The following MYO5B variants were observed in gnomAD, a reference collection of about 807,000 sequenced individuals.
MYO5B encodes the protein unconventional myosin-Vb.
A neutral mutation model predicts 229.3 loss-of-function variants in MYO5B; 143 were observed. The ratio of observed to expected loss-of-function variants is 0.62; its 90% CI spans 0.54 to 0.72. The LOEUF (loss-of-function observed/expected upper bound fraction) is 0.72. Ranked by LOEUF, MYO5B falls within the 30% of genes least tolerant of loss-of-function variation. The pLI, the probability that MYO5B is intolerant of heterozygous loss-of-function variation, is 0.00. For missense variants in MYO5B, 2,321 were observed against 2,331.0 expected (o/e 1.00, Z 0.09); for synonymous variants, 918 against 885.2 (o/e 1.04, Z -0.66).
chr18:49,945,903 G>C (rs1185118614), intron 14 of MYO5B, among the ~76,000 whole-genome samples: 1 of 152,158 alleles, frequency 6.6e-6, no homozygotes, highest in Non-Finnish European at 1.5e-5. Flanking sequence ...GCTGGAGGCA[G>C]GTTCACATTT....
intron 6 of MYO5B, among the ~76,000 whole-genome samples, chr18:49,991,336 G>A (rs58782791): frequency 0.012 from 1,892 of 152,170 alleles, 39 homozygotes; most frequent in African/African-American, 0.043. Context: ...CTCCTTAAAG[G>A]CAGCTAAAGC....
At position 49,826,017 on chromosome 18, in the gene MYO5B, G is replaced by A. The variant is rs2023839483; in HGVS notation, c.*454C>T. Reference sequence around the variant, plus strand: ...CACACCTATGGTTTGCAAACTTTGGGAAATGTCAGTATATGCCATTATCAT... The same window carrying A: ...CACACCTATGGTTTGCAAACTTTGGAAAATGTCAGTATATGCCATTATCAT... On this transcript the variant is annotated 3_prime_UTR_variant, in exon 40 of 40. Coordinates refer to ENST00000285039, the MANE Select transcript of MYO5B (RefSeq NM_001080467.3). 2 of 181,392 alleles carry A rather than the reference G, an allele frequency of 1.1e-5. No individual in the cohort carries two copies. The highest frequency in any genetic ancestry group is 2.4e-5 in the African/African-American group (1 of 41,790). 11.2% of individuals were successfully genotyped at this position (181,392 alleles called of 1,614,324 possible).
chr18:50,071,118 C>A (rs2030948915), intron 1 of MYO5B, among the ~76,000 whole-genome samples: 1 of 152,190 alleles, frequency 6.6e-6, no homozygotes, highest in Non-Finnish European at 1.5e-5. Context: ...GCCACCATGC[C>A]CAGCACTAAC....
chr18:49,998,889 T>C (rs1057374255), intron 5 of MYO5B, among the ~76,000 whole-genome samples: 3 of 152,090 alleles, frequency 2.0e-5, no homozygotes, highest in Non-Finnish European at 4.4e-5. Flanking sequence ...AATTTCTGTT[T>C]GGGATGATGA....
intron 1 of MYO5B, among the ~76,000 whole-genome samples, chr18:50,110,979 A>C (rs1198559369): frequency 6.6e-6 from 1 of 152,204 alleles, no homozygotes; most frequent in Non-Finnish European, 1.5e-5. Flanking sequence ...CTACTTTAAA[A>C]TGTTCACAAT....
chr18:49,831,585 T>C (rs770043970), intron 39 of MYO5B, among the ~76,000 whole-genome samples: 3 of 152,196 alleles, frequency 2.0e-5, no homozygotes, highest in Non-Finnish European at 2.9e-5. Context: ...AAGATGGCTA[T>C]AATTTTAAAA....
At chr18:50,194,295 C>A (rs1048022034) in intron 1 of MYO5B, among the ~76,000 whole-genome samples, 3 of 152,178 alleles carry the variant, frequency 2.0e-5, no homozygotes, top group Non-Finnish European at 4.4e-5. Context: ...GAGGAAAGGA[C>A]GCCTCGGAGG....
chr18:49,903,525 G>A (rs1472631648), intron 20 of MYO5B, among the ~76,000 whole-genome samples: 4 of 152,080 alleles, frequency 2.6e-5, no homozygotes, highest in Non-Finnish European at 4.4e-5. Context: ...GCACACCAAC[G>A]CCACCCATCA....
chr18:50,142,959 A>G lies in MYO5B; in HGVS notation c.27+51808T>C, dbSNP rs554998399. Among the ~76,000 whole-genome samples the G allele has an allele frequency of 2.2e-4, 34 of 152,254 alleles. 1 individual carries two copies. The South Asian group carries it at 7.0e-3, about 32-fold the overall frequency. ...AATGGAAAGAGTATGAATCACAGAAACTCCTGATGAATTACCAACTGAGTT... is the reference window on the plus strand; with the variant it reads ...AATGGAAAGAGTATGAATCACAGAAGCTCCTGATGAATTACCAACTGAGTT... On this transcript the variant is annotated intron_variant, in intron 1 of 39. Coordinates refer to ENST00000285039, the MANE Select transcript of MYO5B (RefSeq NM_001080467.3).
chr18:49,916,369 G>A (rs915856302), intron 17 of MYO5B, among the ~76,000 whole-genome samples: 2 of 152,186 alleles, frequency 1.3e-5, no homozygotes, highest in Non-Finnish European at 2.9e-5. Context: ...CCGGCAGTGC[G>A]ACTGGGGCCA....
intron 5 of MYO5B, among the ~76,000 whole-genome samples, chr18:49,996,447 G>A (rs1303608484): frequency 1.3e-5 from 2 of 152,006 alleles, no homozygotes; most frequent in East Asian, 3.9e-4. Context: ...AATAAAATGT[G>A]GTATATCCAC....
intron 6 of MYO5B, 33 bp from the exon 7 acceptor site, chr18:49,990,553 C>A (rs1483927341): frequency 1.9e-6 from 3 of 1,570,726 alleles, no homozygotes; most frequent in Admixed American, 1.7e-5. Flanking sequence ...AGTTTTAGGG[C>A]AGTGACCTCT....
chr18:50,152,233 T>C (rs996699479), intron 1 of MYO5B, among the ~76,000 whole-genome samples: 1 of 152,138 alleles, frequency 6.6e-6, no homozygotes, highest in Non-Finnish European at 1.5e-5. Flanking sequence ...CAGGCAATAA[T>C]TAAAGCCACC....
chr18:49,978,238 A>G lies in MYO5B; in HGVS notation c.1056+2206T>C, dbSNP rs545837461. On this transcript the variant is annotated intron_variant, in intron 9 of 39. Transcript: ENST00000285039. ...GCCCTGATGTTCCCACCCTCATACT[A>G]TCTCCACACAAACACTCAGTGGGTA... Among the ~76,000 whole-genome samples the G allele has an allele frequency of 1.1e-4, 16 of 152,088 alleles. No homozygotes were observed. The South Asian group carries it at 3.3e-3, about 32-fold the overall frequency.
intron 1 of MYO5B, among the ~76,000 whole-genome samples, chr18:50,121,297 C>A (rs1327066674): frequency 3.3e-5 from 5 of 152,228 alleles, no homozygotes; most frequent in Admixed American, 2.6e-4. Flanking sequence ...CTTATTTCTT[C>A]ACTCCAGTGT....
At chr18:49,944,372 A>T (rs1055947007) in intron 14 of MYO5B, among the ~76,000 whole-genome samples, 2 of 152,036 alleles carry the variant, frequency 1.3e-5, no homozygotes, top group African/African-American at 2.4e-5. Context: ...GTTCTTTCTA[A>T]ACAGATCCCT....
At chr18:49,845,119 G>A (rs1230941433) in intron 33 of MYO5B, among the ~76,000 whole-genome samples, 1 of 152,200 alleles carries the variant, frequency 6.6e-6, no homozygotes, top group Non-Finnish European at 1.5e-5. Flanking sequence ...AATGGCAGGA[G>A]GGAGCCACCT....
intron 27 of MYO5B, among the ~76,000 whole-genome samples, chr18:49,867,377 G>A (rs937725484): frequency 7.9e-5 from 12 of 152,162 alleles, no homozygotes; most frequent in African/African-American, 2.4e-4. Context: ...TCCCCACGGC[G>A]CAGTGAGCAG....
chr18:50,115,527 CACACACACACACACAGAGAG>C (rs1186461319), intron 1 of MYO5B, among the ~76,000 whole-genome samples: 13 of 64,482 alleles, frequency 2.0e-4, no homozygotes, highest in Non-Finnish European at 6.9e-5. Context: ...AAATAAAACA[CACACACACACACACAGAGAG>C]ACACACACAC....
Sources: allele counts gnomAD v4.1 joint callset (sites outside exome capture counted in the v4.1 genomes callset), GRCh38; gene constraint gnomAD v4.1.1; transcripts MANE v1.5; gene names NCBI Gene and HGNC (gene_info 2026-07-23, HGNC 2026-07-21).